MARCHF3: variants seen among roughly 807,000 people sequenced by gnomAD.
MARCHF3 encodes membrane associated ring-CH-type finger 3.
A neutral mutation model predicts 24.2 loss-of-function variants in MARCHF3; 13 were observed. The ratio of observed to expected loss-of-function variants is 0.54; its 90% CI spans 0.35 to 0.85. MARCHF3 has a LOEUF of 0.85. Among genes scored for constraint, MARCHF3 ranks in the 40% least tolerant of loss-of-function variants. MARCHF3 has a pLI of 0.01. For missense variants in MARCHF3, 276 were observed against 325.0 expected (o/e 0.85, Z 1.16); for synonymous variants, 144 against 137.3 (o/e 1.05, Z -0.34).
chr5:126,991,856 A>G (rs997437991), intron 1 of MARCHF3, among the ~76,000 whole-genome samples: 7 of 151,920 alleles, frequency 4.6e-5, no homozygotes, highest in African/African-American at 1.7e-4. Flanking sequence ...CGTTTTGTCA[A>G]CTCTCCATAT....
intron 1 of MARCHF3, among the ~76,000 whole-genome samples, chr5:126,938,061 C>T (rs1194131293): frequency 3.3e-5 from 5 of 152,000 alleles, no homozygotes; most frequent in Admixed American, 3.3e-4. Flanking sequence ...TACATAGTTG[C>T]AGCAGCTATC....
At chr5:126,913,408 A>C (rs1210630090) in intron 3 of MARCHF3, among the ~76,000 whole-genome samples, 3 of 152,242 alleles carry the variant, frequency 2.0e-5, no homozygotes, top group Non-Finnish European at 4.4e-5. Context: ...CTTTGCCATT[A>C]GGCTTGAGAA....
chr5:126,919,708 A>G (rs1749034732), intron 1 of MARCHF3, among the ~76,000 whole-genome samples: 1 of 152,184 alleles, frequency 6.6e-6, no homozygotes, highest in Admixed American at 6.5e-5. Flanking sequence ...AGCAGGCTTG[A>G]CTGTCCAAAA....
chr5:126,895,444 T>C (rs573256855), intron 3 of MARCHF3, among the ~76,000 whole-genome samples: 12 of 152,284 alleles, frequency 7.9e-5, no homozygotes, highest in African/African-American at 2.9e-4. Flanking sequence ...TTTGTGGTTT[T>C]ATCTACTTTT....
At chr5:126,948,978 G>A (rs1750126428) in intron 1 of MARCHF3, among the ~76,000 whole-genome samples, 1 of 152,064 alleles carries the variant, frequency 6.6e-6, no homozygotes, top group African/African-American at 2.4e-5. Flanking sequence ...CATGTGGAGA[G>A]GAGGGAGGAT....
chr5:126,976,212 G>C (rs996336584), intron 1 of MARCHF3, among the ~76,000 whole-genome samples: 7 of 152,040 alleles, frequency 4.6e-5, no homozygotes, highest in Non-Finnish European at 7.4e-5. Flanking sequence ...TGTCCTCTAT[G>C]GGACACACCT....
chr5:126,987,293 C>T (rs10053382), intron 1 of MARCHF3, among the ~76,000 whole-genome samples: 84,313 of 152,072 alleles, frequency 0.55, 24,171 homozygotes, highest in East Asian at 0.79. Context: ...AAGAATAATA[C>T]AGGGTGTACT....
intron 1 of MARCHF3, among the ~76,000 whole-genome samples, chr5:126,944,620 A>G (rs57052202): frequency 0.02 from 3,099 of 152,260 alleles, 75 homozygotes; most frequent in South Asian, 0.12. Context: ...GATCATCATC[A>G]TCACCCGCTT....
In MARCHF3 at chr5:126,985,181, C is replaced by G. The variant is rs147161682; in HGVS notation, c.-57+45169G>C. Among the ~76,000 whole-genome samples, 1,218 of 152,170 alleles carry G rather than the reference C, an allele frequency of 8.0e-3. 28 individuals carry two copies. The highest frequency in any genetic ancestry group is 6.9e-3 in the Non-Finnish European group (469 of 67,986). ...ACATGCATTTCATACTAAATTAAGG[C>G]ATATGGTATGCCTACAAAAAAAGGA... is the stretch of plus-strand genomic sequence containing the variant. On this transcript the variant is annotated intron_variant, in intron 1 of 4. Transcript: ENST00000308660.
At chr5:126,890,566 C>T (rs1453432971) in intron 3 of MARCHF3, among the ~76,000 whole-genome samples, 1 of 151,666 alleles carries the variant, frequency 6.6e-6, no homozygotes, top group Non-Finnish European at 1.5e-5. Context: ...CGATAGTTTA[C>T]TGAGAATGAA....
chr5:126,939,931 C>T (rs371278082), intron 1 of MARCHF3, among the ~76,000 whole-genome samples: 2 of 152,152 alleles, frequency 1.3e-5, no homozygotes, highest in Non-Finnish European at 1.5e-5. Context: ...ACCTAACACA[C>T]GTATTTTCTC....
At chr5:126,882,089 G>C (rs1410648293) in intron 3 of MARCHF3, among the ~76,000 whole-genome samples, 7 of 152,140 alleles carry the variant, frequency 4.6e-5, no homozygotes. Flanking sequence ...ATAAACACCA[G>C]GTAGCAGAAA....
intron 1 of MARCHF3, among the ~76,000 whole-genome samples, chr5:126,982,487 C>T (rs80127843): frequency 0.02 from 3,098 of 152,272 alleles, 75 homozygotes; most frequent in South Asian, 0.12. Flanking sequence ...AGCTGACCTG[C>T]TTTGCAGCTC....
chr5:126,907,961 G>T (rs1371391059), intron 3 of MARCHF3, among the ~76,000 whole-genome samples: 1 of 152,056 alleles, frequency 6.6e-6, no homozygotes, highest in Non-Finnish European at 1.5e-5. Flanking sequence ...GCTGGTACCG[G>T]TTGTTCCTTT....
At chr5:126,962,858 T>TGTGC (rs1750686081) in intron 1 of MARCHF3, among the ~76,000 whole-genome samples, 2 of 151,540 alleles carry the variant, frequency 1.3e-5, no homozygotes, top group South Asian at 4.2e-4. Flanking sequence ...TGTGTGTGTG[T>TGTGC]ATAACTATAT....
chr5:126,931,570 TACACACAC>T (rs57567399), intron 1 of MARCHF3, among the ~76,000 whole-genome samples: 4,337 of 142,852 alleles, frequency 0.03, 96 homozygotes, highest in East Asian at 0.088. Flanking sequence ...CATACATGAA[TACACACAC>T]ACACACACAC....
In MARCHF3 at chr5:126,896,722, CCTT is replaced by C. The variant is rs545494700; in HGVS notation, c.393+18205_393+18207del. On this transcript the variant is annotated intron_variant, in intron 3 of 4. Coordinates refer to ENST00000308660, the MANE Select transcript of MARCHF3 (RefSeq NM_178450.5). Reference sequence around the variant, plus strand: ...GGGAATATGCAGTGAAGTGTTGAGACCTTCTCTCACTTTTCATACTTAAGGCAT... The same window carrying C: ...GGGAATATGCAGTGAAGTGTTGAGACCTCTCACTTTTCATACTTAAGGCAT... 3.9e-5 allele frequency among the ~76,000 whole-genome samples: 6 copies of C among 152,140 alleles called. No homozygotes were observed. The South Asian group carries it at 1.2e-3, about 32-fold the overall frequency.
intron 3 of MARCHF3, among the ~76,000 whole-genome samples, chr5:126,879,736 T>C (rs1323857021): frequency 6.6e-6 from 1 of 152,174 alleles, no homozygotes; most frequent in African/African-American, 2.4e-5. Flanking sequence ...TACAGATAAT[T>C]TGACATTCCC....
intron 1 of MARCHF3, among the ~76,000 whole-genome samples, chr5:126,941,961 T>C (rs1749843653): frequency 6.6e-6 from 1 of 152,204 alleles, no homozygotes; most frequent in Non-Finnish European, 1.5e-5. Context: ...AGAATCATGG[T>C]GCTGAGACTC....
Sources: allele counts gnomAD v4.1 joint callset (sites outside exome capture counted in the v4.1 genomes callset), GRCh38; gene constraint gnomAD v4.1.1; transcripts MANE v1.5; gene names NCBI Gene and HGNC (gene_info 2026-07-23, HGNC 2026-07-21).